Variants in GPSM1 observed in about 807,000 individuals in gnomAD.
GPSM1 encodes the protein G protein signaling modulator 1, also known as G protein-signaling modulator 1.
A neutral mutation model predicts 70.5 loss-of-function variants in GPSM1; 48 were observed. The observed-to-expected ratio is 0.68, with a 90% CI of 0.54 to 0.87. GPSM1 has a LOEUF of 0.87. Among genes scored for constraint, GPSM1 ranks in the 40% least tolerant of loss-of-function variants. The probability of loss-of-function intolerance (pLI) is 0.00; values close to 1 mark genes in which losing one functional copy is unlikely to be tolerated. For missense variants in GPSM1, 981 were observed against 972.6 expected, an observed-to-expected ratio of 1.01 and a Z score of -0.11; for synonymous variants, 416 against 430.1, an observed-to-expected ratio of 0.97 and a Z score of 0.41.
chr9:136,350,057 C>A (rs1435153934), intron 11 of GPSM1, among the ~76,000 whole-genome samples: 1 of 152,232 alleles, frequency 6.6e-6, no homozygotes, highest in Admixed American at 6.5e-5. Flanking sequence ...TCTCTTTGGG[C>A]CTCAGTTTCC....
chr9:136,353,318 G>A (rs1004249088), intron 11 of GPSM1, among the ~76,000 whole-genome samples: 3 of 152,208 alleles, frequency 2.0e-5, no homozygotes. Context: ...ACTGCAGGAG[G>A]GACTCTGAGG....
intron 11 of GPSM1, chr9:136,353,003 C>G (rs551979550): frequency 6.5e-4 from 491 of 753,948 alleles, no homozygotes; most frequent in Non-Finnish European, 7.7e-4. Context: ...GCCCAGGGTC[C>G]TATTTAAGCC....
intron 1 of GPSM1, among the ~76,000 whole-genome samples, chr9:136,332,839 CAAAAAAAAAAA>C (rs150554566): frequency 9.1e-5 from 6 of 66,072 alleles, no homozygotes; most frequent in African/African-American, 1.9e-4. Context: ...CCATCTCTAC[CAAAAAAAAAAA>C]AAAAAAAAAA....
chr9:136,340,951 G>A lies in GPSM1; in HGVS notation c.1165G>A (p.Ala389Thr). ...QLVLGRLTSP[A>T]ASEKPDLAGY... The stretch of plus-strand genomic sequence containing the variant: ...GGTGCTCGGCCGCCTGACCAGCCCG[G>A]CAGCCTCAGAGAAGCCTGACCTGGC... The change falls in exon 9 of 14, where the codon GCA (alanine) becomes ACA (threonine). Residue 389 changes from alanine (A) to threonine (T), a missense_variant. Coordinates refer to ENST00000440944, the MANE Select transcript of GPSM1 (RefSeq NM_001145638.3). The surrounding 1 kb of genome is among the most constrained non-coding windows in gnomAD (Gnocchi z 7.3). 6.4e-7 allele frequency: 1 copy of A among 1,563,782 alleles called. No homozygotes were observed.
rs782478140 is a variant in GPSM1, at chr9:136,358,181, G to A, written c.1989G>A (p.Pro663=). Residue 663 remains proline, a synonymous_variant, in exon 14 of 14, where the codon CCG becomes CCA. Coordinates refer to ENST00000440944, the MANE Select transcript of GPSM1 (RefSeq NM_001145638.3). Reference sequence around the variant, plus strand: ...GCCCGGAGCAGGGGGCAGGCGGCCCGCCCGAGCCCCAGCAGCAGTGCCAGC... The same window carrying A: ...GCCCGGAGCAGGGGGCAGGCGGCCCACCCGAGCCCCAGCAGCAGTGCCAGC... ...AGGPEQGAGG[P]PEPQQQCQPG... 2.7e-5 allele frequency: 43 copies of A among 1,570,674 alleles called. No individual in the cohort carries two copies. Among genetic ancestry groups the A allele is most frequent in the African/African-American group, 9.5e-5 (7 of 73,932 alleles).
intron 9 of GPSM1, among the ~76,000 whole-genome samples, chr9:136,346,641 A>T (rs1289189053): frequency 6.6e-6 from 1 of 152,106 alleles, no homozygotes; most frequent in Non-Finnish European, 1.5e-5. Flanking sequence ...CCCCAGCAAG[A>T]CCCAGGCCTG....
intron 9 of GPSM1, among the ~76,000 whole-genome samples, chr9:136,345,164 G>A (rs1554771053): frequency 6.6e-6 from 1 of 152,238 alleles, no homozygotes; most frequent in Admixed American, 6.5e-5. Flanking sequence ...GGTCCGGCAG[G>A]CACAGGGGGC....
intron 11 of GPSM1, among the ~76,000 whole-genome samples, chr9:136,351,587 C>T (rs1323067653): frequency 1.3e-5 from 2 of 152,246 alleles, no homozygotes; most frequent in Admixed American, 1.3e-4. Flanking sequence ...CAACAAACTG[C>T]CCTGGGTCTG....
chr9:136,334,421 C>T, intron 1 of GPSM1, 26 bp from the exon 2 acceptor site: 1 of 1,583,528 alleles, frequency 6.3e-7, no homozygotes, highest in African/African-American at 1.3e-5. Context: ...CAGGGCTGGG[C>T]CATGACGCCA....
At chr9:136,344,814 G>A (rs527823738) in intron 9 of GPSM1, among the ~76,000 whole-genome samples, 27 of 152,358 alleles carry the variant, frequency 1.8e-4, no homozygotes, top group Admixed American at 4.6e-4. Context: ...GGCCTTGGCC[G>A]AAGAAGGGAG....
intron 1 of GPSM1, 99 bp downstream of exon 1, chr9:136,327,862 C>T (rs1832012905): frequency 2.7e-6 from 1 of 370,322 alleles, no homozygotes; most frequent in Non-Finnish European, 4.2e-6. Context: ...AGGCAGCTCT[C>T]GCGGGCGCGC....
chr9:136,352,638 G>A lies in GPSM1; in HGVS notation c.1455+2875G>A, dbSNP rs569178162. Reference sequence around the variant, plus strand: ...CGAGGGCTGTGGGACAGGAAGGGCCGTCCCGGACAGAGGAGTCCAGATGAG... The same window carrying A: ...CGAGGGCTGTGGGACAGGAAGGGCCATCCCGGACAGAGGAGTCCAGATGAG... On this transcript the variant is annotated intron_variant, in intron 11 of 13. Coordinates refer to ENST00000440944, the MANE Select transcript of GPSM1 (RefSeq NM_001145638.3). Among the ~76,000 whole-genome samples the A allele has an allele frequency of 2.7e-4, 41 of 152,344 alleles. No homozygotes were observed. In the South Asian group the frequency reaches 7.5e-3, roughly 28 times the overall value.
intron 11 of GPSM1, among the ~76,000 whole-genome samples, chr9:136,354,601 C>G (rs1832762080): frequency 1.3e-5 from 2 of 152,354 alleles, no homozygotes; most frequent in Admixed American, 1.3e-4. Context: ...GTGGACGGGG[C>G]TTGGAACCAT....
In GPSM1 at chr9:136,343,470, C is replaced by T. The variant is rs748027835; in HGVS notation, c.1207+2477C>T. ...CTGACCGTACTTCTCAGCCCTCCAC[C>T]GTCTGGGCCCTGCTCAGGGCGTTGT... On this transcript the variant is annotated intron_variant, in intron 9 of 13. Transcript: ENST00000440944. The surrounding 1 kb of genome is among the most constrained non-coding windows in gnomAD (Gnocchi z 6.0). 2.0e-4 allele frequency among the ~76,000 whole-genome samples: 31 copies of T among 152,362 alleles called. No individual in the cohort carries two copies. The highest frequency in any genetic ancestry group is 3.7e-4 in the Non-Finnish European group (25 of 68,036).
Position 136,338,551 on chromosome 9 carries a change from A to G in GPSM1, c.819-4A>G, listed in dbSNP as rs781832258. 5.6e-6 allele frequency: 9 copies of G among 1,609,548 alleles called. No homozygotes were observed. Among genetic ancestry groups the G allele is most frequent in the Middle Eastern group, 1.6e-4 (1 of 6,072 alleles). ...CTGGGGGCTGACCCTGCCACTCTGCACAGGAAGACGCTGCAACTGTCTCGG... is the reference window on the plus strand; with the variant it reads ...CTGGGGGCTGACCCTGCCACTCTGCGCAGGAAGACGCTGCAACTGTCTCGG... On this transcript the variant is annotated splice_region_variant and splice_polypyrimidine_tract_variant and intron_variant, in intron 6 of 13. Transcript: ENST00000440944.
chr9:136,358,108 G>C lies in GPSM1; in HGVS notation c.1916G>C (p.Arg639Thr). ...GAGGACTTCTTCAGCCTCATTCAGA[G>C]GGTGCAGGCTAAGCGCATGGACGAG... is the stretch of plus-strand genomic sequence containing the variant. ...PDEDFFSLIQ[R>T]VQAKRMDEQR... The change falls in exon 14 of 14, where the codon AGG (arginine) becomes ACG (threonine). Residue 639 changes from arginine (R) to threonine (T), a missense_variant. Transcript: ENST00000440944. 2 of 1,612,654 alleles carry C rather than the reference G, an allele frequency of 1.2e-6. No individual in the cohort carries two copies. The highest frequency in any genetic ancestry group is 1.7e-6 in the Non-Finnish European group (2 of 1,179,790).
chr9:136,334,576 T>G lies in GPSM1; in HGVS notation c.198T>G (p.Ser66Arg). 1 of 1,613,374 alleles carries G rather than the reference T, an allele frequency of 6.2e-7. No individual in the cohort carries two copies. The highest frequency in any genetic ancestry group is 2.2e-5 in the East Asian group (1 of 44,878). Residue 66 changes from serine (S) to arginine (R), a missense_variant, in exon 2 of 14, where the codon AGT becomes AGG. By Grantham distance (110) the Ser-to-Arg change is moderately radical. Coordinates refer to ENST00000440944, the MANE Select transcript of GPSM1 (RefSeq NM_001145638.3). ...GCACCGAGGACCTGAAGACACTGAG[T>G]GCCATCTACAGCCAGCTGGGCAACG... ...QVGTEDLKTL[S>R]AIYSQLGNAY...
In GPSM1 at chr9:136,358,753, G is replaced by C. The variant is rs1471801433; in HGVS notation, c.*533G>C. ...CTCCCCACTCCCCGGCCAGAGGTCA[G>C]CAACCACAGAAGGCCCCCCAGACCA... On this transcript the variant is annotated 3_prime_UTR_variant, in exon 14 of 14. Transcript: ENST00000440944. 1 of 175,298 alleles carries C rather than the reference G, an allele frequency of 5.7e-6. No homozygotes were observed. Among genetic ancestry groups the C allele is most frequent in the African/African-American group, 2.4e-5 (1 of 41,570 alleles). 10.9% of individuals were successfully genotyped at this position (175,298 alleles called of 1,614,324 possible). A position where few individuals can be genotyped will look rare whatever the true frequency, so the allele number is the denominator to read the frequency against.
At chr9:136,338,510 C>T (rs1832306159) in intron 6 of GPSM1, 45 bp from the exon 7 acceptor site, 1 of 1,575,024 alleles carries the variant, frequency 6.3e-7, no homozygotes. Flanking sequence ...CCACCCCTCA[C>T]CCTGGAGCCC....
Sources: gnomAD v4.1 joint callset for allele counts (sites outside exome capture counted in the v4.1 genomes callset) on GRCh38, gnomAD v4.1.1 for gene constraint, Gnocchi (gnomAD v3.1) non-coding constraint, MANE v1.5 for transcripts, NCBI Gene and HGNC (gene_info 2026-07-23, HGNC 2026-07-21) for gene names.